The following NYAP2 variants were observed in gnomAD, a reference collection of about 807,000 sequenced individuals.
The protein encoded by NYAP2 is neuronal tyrosine-phosphorylated phosphoinositide-3-kinase adaptor 2.
Under a neutral mutation model 50.4 loss-of-function variants are expected in NYAP2, and 23 were observed. That is an observed-to-expected ratio of 0.46 (90% CI 0.33 to 0.65). The LOEUF (loss-of-function observed/expected upper bound fraction) is 0.65, where lower values mean the gene tolerates loss of function less well. NYAP2 is among the 30% of genes least tolerant of loss of function. The probability of loss-of-function intolerance (pLI) is 0.02; values close to 1 mark genes in which losing one functional copy is unlikely to be tolerated. For synonymous variants in NYAP2, 394 were observed against 365.2 expected (o/e 1.08, Z -0.90); for missense variants, 885 against 861.0 (o/e 1.03, Z -0.35).
At chr2:225,513,520 T>G in exon 4 of NYAP2, 1 of 1,613,678 alleles carries the variant, frequency 6.2e-7, no homozygotes, top group Non-Finnish European at 8.5e-7. Context: ...CTGCACTCGG[T>G]TGGGGGCACA....
intron 3 of NYAP2, among the ~76,000 whole-genome samples, chr2:225,426,652 CA>C (rs1408549971): frequency 6.6e-6 from 1 of 152,142 alleles, no homozygotes; most frequent in Admixed American, 6.6e-5. Flanking sequence ...CATAAATCCC[CA>C]AAGTATGAAA....
At chr2:225,488,752 G>T (rs147640428) in intron 3 of NYAP2, among the ~76,000 whole-genome samples, 1 of 152,172 alleles carries the variant, frequency 6.6e-6, no homozygotes, top group African/African-American at 2.4e-5. Context: ...GAACAGGTGG[G>T]TTTCCCTTTG....
At chr2:225,686,705 G>T in the NYAP2 span, among the ~76,000 whole-genome samples, 4 of 152,110 alleles carry the variant, frequency 2.6e-5, no homozygotes, top group Admixed American at 2.0e-4. Flanking sequence ...GTATATGGAG[G>T]TTCTACCAGT....
chr2:225,489,450 G>A (rs1690366401), intron 3 of NYAP2, among the ~76,000 whole-genome samples: 2 of 152,032 alleles, frequency 1.3e-5, no homozygotes, highest in Admixed American at 6.6e-5. Context: ...CACCCGCCTT[G>A]GCCTCCCAAA....
intron 3 of NYAP2, among the ~76,000 whole-genome samples, chr2:225,454,513 G>A (rs1356160771): frequency 2.0e-5 from 3 of 152,148 alleles, no homozygotes; most frequent in Admixed American, 6.5e-5. Context: ...GCTCCCCAAA[G>A]ATGTCCACAT....
intron 5 of NYAP2, among the ~76,000 whole-genome samples, chr2:225,593,861 G>A (rs1692554133): frequency 6.6e-6 from 1 of 152,192 alleles, no homozygotes; most frequent in African/African-American, 2.4e-5. Context: ...CAGCTTCTAT[G>A]TTTGACTTAG....
At chr2:225,678,031 GTCCA>G in the NYAP2 span, among the ~76,000 whole-genome samples, 1 of 152,004 alleles carries the variant, frequency 6.6e-6, no homozygotes, top group Non-Finnish European at 1.5e-5. Context: ...CTACCTATGA[GTCCA>G]TCTGGTCCAG....
intron 3 of NYAP2, among the ~76,000 whole-genome samples, chr2:225,437,364 G>A (rs958552585): frequency 6.6e-6 from 1 of 152,216 alleles, no homozygotes; most frequent in Non-Finnish European, 1.5e-5. Flanking sequence ...ATGAACTGTT[G>A]GTATTACCAT....
At chr2:225,670,507 A>T in the NYAP2 span, among the ~76,000 whole-genome samples, 1 of 151,708 alleles carries the variant, frequency 6.6e-6, no homozygotes, top group African/African-American at 2.4e-5. Context: ...CTTACAAATT[A>T]ATGGTCTTGG....
the NYAP2 span, chr2:225,698,149 A>G: frequency 6.6e-6 from 1 of 151,970 alleles, no homozygotes; most frequent in African/African-American, 2.4e-5. Context: ...TCGTATTCTT[A>G]GCCTGGGTGA....
At chr2:225,595,450 G>A (rs1692579594) in intron 5 of NYAP2, among the ~76,000 whole-genome samples, 1 of 152,262 alleles carries the variant, frequency 6.6e-6, no homozygotes, top group African/African-American at 2.4e-5. Context: ...TACACATTCT[G>A]GACATCCAAA....
downstream of NYAP2, among the ~76,000 whole-genome samples, chr2:225,657,821 T>G (rs979229646): frequency 6.6e-6 from 1 of 152,186 alleles, no homozygotes; most frequent in Non-Finnish European, 1.5e-5. Flanking sequence ...TGTTTCCTAC[T>G]TTGAGACTAA....
chr2:225,511,317 C>T (rs187038773), intron 3 of NYAP2, among the ~76,000 whole-genome samples: 151 of 143,608 alleles, frequency 1.1e-3, no homozygotes, highest in Middle Eastern at 3.6e-3. Context: ...TCTTAATTGC[C>T]GTTCTTTAAA....
chr2:225,432,800 T>G (rs1252923634), intron 3 of NYAP2, among the ~76,000 whole-genome samples: 1 of 152,208 alleles, frequency 6.6e-6, no homozygotes, highest in Non-Finnish European at 1.5e-5. Flanking sequence ...GACTCCTTCA[T>G]ATTTTTCTCA....
At chr2:225,688,142 G>T in the NYAP2 span, among the ~76,000 whole-genome samples, 1 of 152,284 alleles carries the variant, frequency 6.6e-6, no homozygotes, top group South Asian at 2.1e-4. Flanking sequence ...AAGGATTGAT[G>T]TCCAGAGTTT....
rs1690542500 is a variant in NYAP2 at position 225,498,302 on chromosome 2, G to C, written c.222-15069G>C. 3.3e-5 allele frequency among the ~76,000 whole-genome samples: 5 copies of C among 152,246 alleles called. No homozygotes were observed. The South Asian group carries it at 1.0e-3, about 32-fold the overall frequency. The stretch of plus-strand genomic sequence containing the variant: ...ACTAAAGAAGAGAGTGGGTATTGAT[G>C]AAAGTTTAAGAAAGAAGTGGCATTG... On this transcript the variant is annotated intron_variant, in intron 3 of 6. Transcript: ENST00000636099.
intron 5 of NYAP2, among the ~76,000 whole-genome samples, chr2:225,614,347 C>G (rs956592618): frequency 6.6e-5 from 10 of 152,070 alleles, no homozygotes; most frequent in African/African-American, 2.4e-4. Context: ...GGTTTTGCTA[C>G]TATTTTGAAT....
chr2:225,617,200 G>A (rs1574711367), intron 5 of NYAP2, among the ~76,000 whole-genome samples: 1 of 152,150 alleles, frequency 6.6e-6, no homozygotes, highest in South Asian at 2.1e-4. Flanking sequence ...GCCAAGGCAG[G>A]TAGATCTCTT....
intron 3 of NYAP2, among the ~76,000 whole-genome samples, chr2:225,465,299 T>C (rs1689899177): frequency 1.3e-5 from 2 of 152,124 alleles, no homozygotes; most frequent in Non-Finnish European, 1.5e-5. Flanking sequence ...CCTGCAGATA[T>C]GCCCATTTGT....
Sources: allele counts gnomAD v4.1 joint callset (sites outside exome capture counted in the v4.1 genomes callset), GRCh38; gene constraint gnomAD v4.1.1; transcripts MANE v1.5; gene names NCBI Gene and HGNC (gene_info 2026-07-23, HGNC 2026-07-21).